The following PRMT3 variants were observed in gnomAD, a reference collection of about 807,000 sequenced individuals.
PRMT3 encodes protein arginine methyltransferase 3, also known as protein arginine N-methyltransferase 3.
A neutral mutation model predicts 71.9 loss-of-function variants in PRMT3; 62 were observed. The ratio of observed to expected loss-of-function variants is 0.86; its 90% CI spans 0.70 to 1.07. PRMT3 has a LOEUF of 1.07. Ranked by LOEUF, PRMT3 falls within the 50% of genes least tolerant of loss-of-function variation. The probability of loss-of-function intolerance (pLI) is 0.00; values close to 1 mark genes in which losing one functional copy is unlikely to be tolerated. For synonymous variants in PRMT3, 213 were observed against 220.4 expected (o/e 0.97, Z 0.30); for missense variants, 663 against 643.0 (o/e 1.03, Z -0.34).
At chr11:20,394,635 A>T (rs1356988407) in intron 5 of PRMT3, among the ~76,000 whole-genome samples, 1 of 152,196 alleles carries the variant, frequency 6.6e-6, no homozygotes, top group African/African-American at 2.4e-5. Context: ...ATTGTCTGCA[A>T]ATTTCAAGTA....
chr11:20,411,327 A>G (rs6416027), intron 9 of PRMT3, among the ~76,000 whole-genome samples: 3 of 151,922 alleles, frequency 2.0e-5, no homozygotes, highest in Non-Finnish European at 2.9e-5. Flanking sequence ...TCATTTTGTC[A>G]GCCAGATTTT....
At chr11:20,493,793 T>A in intron 13 of PRMT3, 126 bp from the exon 14 acceptor site, 1 of 640,554 alleles carries the variant, frequency 1.6e-6, no homozygotes, top group Non-Finnish European at 2.6e-6. Flanking sequence ...AGGAAAAATA[T>A]TGAGTTTAAG....
At chr11:20,446,533 C>G (rs1380814462) in intron 10 of PRMT3, among the ~76,000 whole-genome samples, 1 of 151,988 alleles carries the variant, frequency 6.6e-6, no homozygotes. Flanking sequence ...TTTTTTCCCA[C>G]AGGAACATGA....
intron 15 of PRMT3, among the ~76,000 whole-genome samples, chr11:20,503,380 A>G (rs1317589865): frequency 1.3e-5 from 2 of 152,132 alleles, no homozygotes; most frequent in African/African-American, 4.8e-5. Flanking sequence ...AATAATTTAC[A>G]TATAATCAAA....
intron 13 of PRMT3, among the ~76,000 whole-genome samples, chr11:20,476,389 T>TAAA (rs1850785070): frequency 6.6e-6 from 1 of 152,114 alleles, no homozygotes; most frequent in Non-Finnish European, 1.5e-5. Context: ...GAAAGGCACT[T>TAAA]TAATGAAAGG....
Position 20,494,468 on chromosome 11 carries a change from G to T in PRMT3, c.1486+214G>T, listed in dbSNP as rs11025586. The stretch of plus-strand genomic sequence containing the variant: ...CCTGCCTCAGCCTCCCAAGTACTTG[G>T]GATTACAGGCACACACCACCACACC... On this transcript the variant is annotated intron_variant, in intron 15 of 15. Transcript: ENST00000331079. 0.047 allele frequency among the ~76,000 whole-genome samples: 7,176 copies of T among 152,058 alleles called. 271 individuals carry two copies. The highest frequency in any genetic ancestry group is 0.2 in the East Asian group (1,008 of 5,156).
At chr11:20,393,339 C>T (rs752353776) in intron 5 of PRMT3, among the ~76,000 whole-genome samples, 4 of 152,002 alleles carry the variant, frequency 2.6e-5, no homozygotes, top group South Asian at 2.1e-4. Context: ...CCCATCTACT[C>T]GGGAGGTTGA....
intron 8 of PRMT3, among the ~76,000 whole-genome samples, chr11:20,404,528 G>T (rs1049490628): frequency 2.0e-5 from 3 of 151,990 alleles, no homozygotes; most frequent in African/African-American, 7.2e-5. Flanking sequence ...CACCACGCCG[G>T]CCCTTCATAG....
At chr11:20,488,169 A>T (rs1219187105) in intron 13 of PRMT3, among the ~76,000 whole-genome samples, 1 of 152,160 alleles carries the variant, frequency 6.6e-6, no homozygotes, top group Non-Finnish European at 1.5e-5. Flanking sequence ...AGAGTCCGTA[A>T]TTTAATGTAT....
chr11:20,485,261 A>G (rs1851043632), intron 13 of PRMT3, among the ~76,000 whole-genome samples: 1 of 152,228 alleles, frequency 6.6e-6, no homozygotes, highest in Non-Finnish European at 1.5e-5. Context: ...GAAGATTATT[A>G]CAGGTTTCAA....
chr11:20,494,981 C>T (rs1228799917), intron 15 of PRMT3, among the ~76,000 whole-genome samples: 2 of 152,048 alleles, frequency 1.3e-5, no homozygotes, highest in African/African-American at 4.8e-5. Flanking sequence ...TGTAATAAGC[C>T]ACTTTGGGAG....
intron 9 of PRMT3, among the ~76,000 whole-genome samples, chr11:20,425,712 T>C (rs1436763500): frequency 1.3e-5 from 2 of 152,138 alleles, no homozygotes; most frequent in African/African-American, 2.4e-5. Flanking sequence ...CTCTAATATA[T>C]AATGAAAGAA....
intron 13 of PRMT3, among the ~76,000 whole-genome samples, chr11:20,470,956 G>A (rs1385580256): frequency 6.6e-6 from 1 of 152,068 alleles, no homozygotes; most frequent in Non-Finnish European, 1.5e-5. Context: ...GTATTTCCTT[G>A]TGGTTTTGAT....
chr11:20,412,401 C>A (rs200628823), intron 9 of PRMT3, among the ~76,000 whole-genome samples: 11,854 of 151,840 alleles, frequency 0.078, 599 homozygotes, highest in East Asian at 0.2. Flanking sequence ...GTCTGAACCC[C>A]CCCCCCACCT....
At chr11:20,450,963 G>A (rs1850134140) in intron 10 of PRMT3, among the ~76,000 whole-genome samples, 1 of 152,154 alleles carries the variant, frequency 6.6e-6, no homozygotes, top group African/African-American at 2.4e-5. Flanking sequence ...TTCACCCTGA[G>A]CAATAAGATG....
intron 13 of PRMT3, among the ~76,000 whole-genome samples, chr11:20,491,957 G>C (rs186424314): frequency 2.0e-5 from 3 of 152,200 alleles, no homozygotes; most frequent in East Asian, 3.9e-4. Context: ...CTTTAATAAA[G>C]TATACTGACT....
intron 13 of PRMT3, among the ~76,000 whole-genome samples, chr11:20,484,796 T>A (rs915353401): frequency 2.0e-5 from 3 of 152,176 alleles, no homozygotes; most frequent in African/African-American, 7.2e-5. Context: ...GTAAGCCACA[T>A]AAAATGGAGA....
At position 20,434,457 on chromosome 11, in the gene PRMT3, A is replaced by G. The variant is rs1177598820; in HGVS notation, c.993+7592A>G. Among the ~76,000 whole-genome samples the G allele has an allele frequency of 2.0e-5, 3 of 152,096 alleles. No homozygotes were observed. In the East Asian group the frequency reaches 5.8e-4, roughly 29 times the overall value. On this transcript the variant is annotated intron_variant, in intron 10 of 15. Coordinates refer to ENST00000331079, the MANE Select transcript of PRMT3 (RefSeq NM_005788.4). The stretch of plus-strand genomic sequence containing the variant: ...TGTCATGAAATCTTTGCCTGTTCCT[A>G]TGTCCAGGATGGTATTGCCTAGGTT...
chr11:20,411,653 A>C (rs1590044174), intron 9 of PRMT3, among the ~76,000 whole-genome samples: 1 of 152,246 alleles, frequency 6.6e-6, no homozygotes, highest in Non-Finnish European at 1.5e-5. Flanking sequence ...ATCACTACTA[A>C]CCATGGAGAG....
Sources: gnomAD v4.1 joint callset for allele counts (sites outside exome capture counted in the v4.1 genomes callset) on GRCh38, gnomAD v4.1.1 for gene constraint, MANE v1.5 for transcripts, NCBI Gene and HGNC (gene_info 2026-07-23, HGNC 2026-07-21) for gene names.